MROH9: variants seen among roughly 807,000 people sequenced by gnomAD.
MROH9 encodes the protein maestro heat-like repeat-containing protein family member 9.
In MROH9, 92 loss-of-function variants were observed where a neutral mutation model predicts 98.2. The ratio of observed to expected loss-of-function variants is 0.94; its 90% CI spans 0.79 to 1.11. MROH9 has a LOEUF of 1.11. Ranked by LOEUF, MROH9 falls within the 50% of genes most tolerant of loss-of-function variation. The pLI, the probability that MROH9 is intolerant of heterozygous loss-of-function variation, is 0.00. For synonymous variants in MROH9, 397 were observed against 368.9 expected (o/e 1.08, Z -0.87); for missense variants, 1,057 against 1,014.8 (o/e 1.04, Z -0.57).
At chr1:171,055,966 A>G (rs1423481212) in intron 20 of MROH9, among the ~76,000 whole-genome samples, 2 of 152,154 alleles carry the variant, frequency 1.3e-5, no homozygotes, top group African/African-American at 4.8e-5. Context: ...CCTACCCAGC[A>G]GGGGGAACGG....
chr1:171,029,983 G>A (rs182766925), intron 20 of MROH9, among the ~76,000 whole-genome samples: 4 of 152,220 alleles, frequency 2.6e-5, no homozygotes, highest in African/African-American at 9.6e-5. Context: ...ACTTGTTATT[G>A]GTCTATTGAG....
intron 8 of MROH9, among the ~76,000 whole-genome samples, chr1:170,980,088 G>T (rs2206565): frequency 5.9e-5 from 9 of 151,788 alleles, no homozygotes; most frequent in Middle Eastern, 6.8e-3. Flanking sequence ...AAATAAGAGA[G>T]GACACAAAAA....
chr1:170,976,601 G>A (rs1427834868), intron 8 of MROH9, among the ~76,000 whole-genome samples: 1 of 152,102 alleles, frequency 6.6e-6, no homozygotes, highest in Non-Finnish European at 1.5e-5. Flanking sequence ...ACAAAAATTA[G>A]CTGGGCATGG....
At chr1:171,036,809 A>T (rs2101853998) in intron 20 of MROH9, among the ~76,000 whole-genome samples, 1 of 151,784 alleles carries the variant, frequency 6.6e-6, no homozygotes, top group East Asian at 1.9e-4. Flanking sequence ...AACTTTGAGT[A>T]AAATGAATAA....
At chr1:170,962,033 G>C in intron 6 of MROH9, 57 bp downstream of exon 6, 1 of 930,100 alleles carries the variant, frequency 1.1e-6, no homozygotes, top group Non-Finnish European at 1.6e-6. Flanking sequence ...TGCTCACTAT[G>C]CTTCACTTTC....
chr1:170,951,852 T>C (rs1208264403), intron 3 of MROH9, among the ~76,000 whole-genome samples: 1 of 152,146 alleles, frequency 6.6e-6, no homozygotes, highest in African/African-American at 2.4e-5. Context: ...GCTTTAGCTA[T>C]AAAGTGAGAG....
intron 20 of MROH9, among the ~76,000 whole-genome samples, chr1:171,049,013 A>C (rs1443219097): frequency 2.0e-5 from 3 of 152,140 alleles, no homozygotes; most frequent in Non-Finnish European, 4.4e-5. Flanking sequence ...CTGAGCTGGT[A>C]TCCAACATGC....
At chr1:170,944,848 T>A (rs561078740) in intron 1 of MROH9, among the ~76,000 whole-genome samples, 1 of 152,132 alleles carries the variant, frequency 6.6e-6, no homozygotes, top group South Asian at 2.1e-4. Context: ...AGCTGAAATA[T>A]TTAGGAAGGA....
At chr1:170,966,537 T>A (rs1650242985) in intron 7 of MROH9, among the ~76,000 whole-genome samples, 1 of 152,124 alleles carries the variant, frequency 6.6e-6, no homozygotes. Context: ...TTCTACTGCT[T>A]GTACAAGCAG....
intron 20 of MROH9, among the ~76,000 whole-genome samples, chr1:171,034,460 C>CCT (rs778136964): frequency 4.1e-4 from 63 of 152,292 alleles, no homozygotes; most frequent in South Asian, 8.3e-4. Context: ...GGAAGGCTGA[C>CCT]CTCTGCATTC....
In MROH9 at chr1:170,996,612, G is replaced by A. The variant is rs1571488636; in HGVS notation, c.1443G>A (p.Leu481=). The change falls in exon 14 of 22, where the codon CTG becomes CTA. Residue 481 remains leucine, a synonymous_variant. Coordinates refer to ENST00000367759, the MANE Select transcript of MROH9 (RefSeq NM_001163629.2). Reference sequence around the variant, plus strand: ...TCTGGGACCAGTTATCTGAAGATCTGTGTTACTATCATGGAGTCTGCTTTA... The same window carrying A: ...TCTGGGACCAGTTATCTGAAGATCTATGTTACTATCATGGAGTCTGCTTTA... The part of the protein sequence containing the change: ...ENFWDQLSED[L]CYYHGVCFIA... The A allele has an allele frequency of 6.2e-7, 1 of 1,613,540 alleles. No individual in the cohort carries two copies. The highest frequency in any genetic ancestry group is 1.1e-5 in the South Asian group (1 of 91,052).
At chr1:171,004,266 G>A (rs890695091) in intron 15 of MROH9, among the ~76,000 whole-genome samples, 9 of 152,112 alleles carry the variant, frequency 5.9e-5, no homozygotes, top group African/African-American at 2.2e-4. Context: ...TGGCCAGGAG[G>A]CTTCTTGCCC....
chr1:170,962,002 T>C, intron 6 of MROH9, 26 bp downstream of exon 6: 1 of 1,303,764 alleles, frequency 7.7e-7, no homozygotes, highest in Non-Finnish European at 1.1e-6. Context: ...GTAGTTTAAT[T>C]TTCTTGTCAT....
chr1:170,959,670 G>C, intron 5 of MROH9, 73 bp downstream of exon 5: 1 of 1,424,482 alleles, frequency 7.0e-7, no homozygotes, highest in Non-Finnish European at 9.5e-7. Context: ...ATGTGACTCA[G>C]CAGGTGATAA....
In MROH9 at chr1:170,995,448, G is replaced by C. The variant is rs767272974; in HGVS notation, c.1254G>C (p.Gln418His). Residue 418 changes from glutamine to histidine, a missense_variant, in exon 13 of 22, where the codon CAG becomes CAC. Transcript: ENST00000367759. ...PLGSYRKAVA[Q>H]YFPQLLTTLM... ...GTTCCTACAGGAAAGCGGTGGCCCA[G>C]TATTTCCCCCAGCTCTTGACGACTC... is the stretch of plus-strand genomic sequence containing the variant. The C allele has an allele frequency of 6.2e-7, 1 of 1,613,404 alleles. No homozygotes were observed. Among genetic ancestry groups the C allele is most frequent in the Admixed American group, 1.7e-5 (1 of 59,932 alleles).
In MROH9 at chr1:170,971,518, G is replaced by T. The variant is rs140599455; in HGVS notation, c.481-230G>T. Among the ~76,000 whole-genome samples the T allele has an allele frequency of 2.5e-4, 38 of 152,216 alleles. No homozygotes were observed. The East Asian group carries it at 7.2e-3, about 29-fold the overall frequency. On this transcript the variant is annotated intron_variant, in intron 7 of 21. Transcript: ENST00000367759. ...AGGAATTTTTCTTCTTGTCATCAGT[G>T]TTACCCCTTACTCTCCACAATAACT...
rs879343648 is a variant in MROH9 at position 171,024,308 on chromosome 1, G to GTT, written c.1909-86_1909-85insTT. On this transcript the variant is annotated intron_variant, in intron 17 of 21. Transcript: ENST00000367759. ...TATATAGTATATTTATATGGGGTGT[G>GTT]TGTGTGTGTGTGTGTGTGTGTGTAG... 5,475 of 858,444 alleles carry GTT rather than the reference G, an allele frequency of 6.4e-3. 33 individuals are homozygous for GTT. The highest frequency in any genetic ancestry group is 8.8e-3 in the Non-Finnish European group (4,769 of 541,192). 53.2% of individuals were successfully genotyped at this position (858,444 alleles called of 1,614,324 possible). A position where few individuals can be genotyped will look rare whatever the true frequency, so the allele number is the denominator to read the frequency against.
At chr1:171,008,807 A>T (rs1652049223) in intron 15 of MROH9, among the ~76,000 whole-genome samples, 1 of 152,234 alleles carries the variant, frequency 6.6e-6, no homozygotes, top group African/African-American at 2.4e-5. Context: ...GTACTGATGC[A>T]GAGTAACTTC....
chr1:170,953,592 G>A (rs1649639251), intron 3 of MROH9, among the ~76,000 whole-genome samples: 1 of 151,896 alleles, frequency 6.6e-6, no homozygotes, highest in Non-Finnish European at 1.5e-5. Context: ...TGTAGCATTG[G>A]CCCACACAGT....
Sources: allele counts gnomAD v4.1 joint callset (sites outside exome capture counted in the v4.1 genomes callset), GRCh38; gene constraint gnomAD v4.1.1; transcripts MANE v1.5; gene names NCBI Gene and HGNC (gene_info 2026-07-23, HGNC 2026-07-21).